BBX: variants seen among roughly 807,000 people sequenced by gnomAD.
The protein encoded by BBX is HMG box transcription factor BBX.
Under a neutral mutation model 100.2 loss-of-function variants are expected in BBX, and 30 were observed. The observed-to-expected ratio is 0.30, with a 90% CI of 0.22 to 0.41. The LOEUF (loss-of-function observed/expected upper bound fraction) is 0.41, where lower values mean the gene tolerates loss of function less well. Ranked by LOEUF, BBX falls within the 10% of genes least tolerant of loss-of-function variation. The pLI is 1.00. For synonymous variants in BBX, 376 were observed against 388.1 expected, an observed-to-expected ratio of 0.97 and a Z score of 0.37; for missense variants, 1,023 against 1,129.8, an observed-to-expected ratio of 0.91 and a Z score of 1.35.
rs113174336 is a variant in BBX at position 107,732,951 on chromosome 3, T to C, written c.602-5T>C. ...AAGTTGGTGATTTGTTTTTGACTTA[T>C]TTAGATCCTACTCAAATGGGAGGCC... On this transcript the variant is annotated splice_region_variant and splice_polypyrimidine_tract_variant and intron_variant, in intron 6 of 17. Coordinates refer to ENST00000325805, the MANE Select transcript of BBX (RefSeq NM_001142568.3). 24 of 1,612,300 alleles carry C rather than the reference T, an allele frequency of 1.5e-5. No individual in the cohort carries two copies. Among genetic ancestry groups the C allele is most frequent in the East Asian group, 4.5e-5 (2 of 44,770 alleles).
At chr3:107,775,849 T>G (rs773001109) in intron 12 of BBX, among the ~76,000 whole-genome samples, 1 of 152,176 alleles carries the variant, frequency 6.6e-6, no homozygotes, top group Non-Finnish European at 1.5e-5. Context: ...TTTAAGATTA[T>G]TTTTATTGAA....
chr3:107,680,656 G>A (rs2059525441), intron 3 of BBX, among the ~76,000 whole-genome samples: 1 of 152,122 alleles, frequency 6.6e-6, no homozygotes, highest in Non-Finnish European at 1.5e-5. Context: ...TCTCGCTATA[G>A]CAGTTTTTAA....
intron 2 of BBX, among the ~76,000 whole-genome samples, chr3:107,622,031 T>C (rs1559884768): frequency 6.6e-6 from 1 of 152,340 alleles, no homozygotes; most frequent in East Asian, 1.9e-4. Flanking sequence ...TACAGTTCTT[T>C]GTTAAAATTT....
At chr3:107,718,250 T>A (rs1389099335) in intron 5 of BBX, among the ~76,000 whole-genome samples, 3 of 147,548 alleles carry the variant, frequency 2.0e-5, no homozygotes, top group African/African-American at 7.4e-5. Flanking sequence ...AATATAACTA[T>A]TATAATAGTA....
chr3:107,728,889 C>G lies in BBX; in HGVS notation c.530C>G (p.Ser177Cys), dbSNP rs771843919. Residue 177 changes from serine to cysteine, a missense_variant, in exon 6 of 18, where the codon TCT becomes TGT. Ser to Cys is a moderately radical substitution (Grantham distance 112). Transcript: ENST00000325805. ...RKKLWAFPSD[S>C]SRDLPSPKKA... ...AAACTTTGGGCCTTCCCATCTGACT[C>G]TTCAAGAGACTTGCCAAGCCCCAAG... 1.1e-5 allele frequency: 17 copies of G among 1,613,948 alleles called. No homozygotes were observed. The highest frequency in any genetic ancestry group is 1.4e-5 in the Non-Finnish European group (16 of 1,179,886).
intron 2 of BBX, 110 bp from the exon 3 acceptor site, chr3:107,645,726 T>G (rs1302669208): frequency 6.6e-6 from 1 of 152,568 alleles, no homozygotes; most frequent in Non-Finnish European, 1.5e-5. Flanking sequence ...GTTTGGCTGG[T>G]AATTCATTTT....
intron 13 of BBX, among the ~76,000 whole-genome samples, chr3:107,779,040 T>C (rs946140829): frequency 9.6e-6 from 1 of 104,464 alleles, no homozygotes. Context: ...CACACACATA[T>C]ACATTGGTTT....
At chr3:107,708,184 A>G (rs1369322753) in intron 3 of BBX, among the ~76,000 whole-genome samples, 3 of 152,108 alleles carry the variant, frequency 2.0e-5, no homozygotes, top group African/African-American at 7.2e-5. Flanking sequence ...CTATCAATTC[A>G]CAAGAAATCT....
intron 3 of BBX, among the ~76,000 whole-genome samples, chr3:107,697,174 G>C (rs546928481): frequency 1.3e-5 from 2 of 151,658 alleles, no homozygotes; most frequent in Non-Finnish European, 2.9e-5. Context: ...TAATTTGATC[G>C]TCTGAAGCCT....
rs1275071858 is a variant in BBX, at chr3:107,793,204, C to T, written c.2353+1905C>T. On this transcript the variant is annotated intron_variant, in intron 15 of 17. Transcript: ENST00000325805. The stretch of plus-strand genomic sequence containing the variant: ...AGTAAGTATTGTGTTACTAGAAGTA[C>T]TATATTCTGTAGCCCTAATTTTCTG... Among the ~76,000 whole-genome samples, 4 of 152,240 alleles carry T rather than the reference C, an allele frequency of 2.6e-5. No homozygotes were observed. In the East Asian group the frequency reaches 7.7e-4, roughly 29 times the overall value.
chr3:107,670,758 G>GCTTATTTT (rs2058978750), intron 3 of BBX, among the ~76,000 whole-genome samples: 3 of 152,006 alleles, frequency 2.0e-5, no homozygotes, highest in Admixed American at 6.6e-5. Flanking sequence ...TTTTTAATGA[G>GCTTATTTT]AGGATCACTT....
rs549115867 is a variant in BBX, at chr3:107,765,320, A to C, written c.907-7308A>C. Among the ~76,000 whole-genome samples the C allele has an allele frequency of 3.9e-5, 6 of 152,276 alleles. No individual in the cohort carries two copies. In the East Asian group the frequency reaches 1.2e-3, roughly 29 times the overall value. On this transcript the variant is annotated intron_variant, in intron 10 of 17. Coordinates refer to ENST00000325805, the MANE Select transcript of BBX (RefSeq NM_001142568.3). ...TAATTTTAGCATACACATTTTATAG[A>C]TTGAAAAACTGAGGCACAGAAAAAT...
intron 2 of BBX, among the ~76,000 whole-genome samples, chr3:107,581,202 A>G (rs1023953097): frequency 2.0e-5 from 3 of 152,140 alleles, no homozygotes; most frequent in African/African-American, 7.2e-5. Context: ...TCATATTTTT[A>G]CTTACTAAAC....
At chr3:107,541,599 G>C (rs1298270928) in intron 2 of BBX, among the ~76,000 whole-genome samples, 1 of 152,060 alleles carries the variant, frequency 6.6e-6, no homozygotes, top group Non-Finnish European at 1.5e-5. Context: ...GACAAACAAT[G>C]AACTTTTAGG....
rs150641256 is a variant in BBX, at chr3:107,547,580, C to A, written c.-84+21182C>A. On this transcript the variant is annotated intron_variant, in intron 2 of 17. Transcript: ENST00000325805. ...TTCGTTTTATATTTGTTCTACCCTT[C>A]AATAAATGAATAAAATATGATATTA... Among the ~76,000 whole-genome samples, 7 of 152,204 alleles carry A rather than the reference C, an allele frequency of 4.6e-5. 1 individual carries two copies. The East Asian group carries it at 1.2e-3, about 25-fold the overall frequency.
chr3:107,799,872 C>T (rs990539064), intron 16 of BBX, among the ~76,000 whole-genome samples: 1 of 152,096 alleles, frequency 6.6e-6, no homozygotes, highest in Non-Finnish European at 1.5e-5. Context: ...GATACTGAGA[C>T]CCCCCGGCCG....
chr3:107,684,014 CT>C lies in BBX; in HGVS notation c.-9-26435del, dbSNP rs200992527. Among the ~76,000 whole-genome samples the C allele has an allele frequency of 5.3e-5, 8 of 152,262 alleles. No homozygotes were observed. In the East Asian group the frequency reaches 1.3e-3, roughly 26 times the overall value. ...CTACTGTTGCTCTCTACTAACTGAA[CT>C]TTAAGTTATCAAAAATAAGAGCCTT... On this transcript the variant is annotated intron_variant, in intron 3 of 17. Transcript: ENST00000325805.
chr3:107,668,662 T>A (rs190905549), intron 3 of BBX, among the ~76,000 whole-genome samples: 37 of 152,296 alleles, frequency 2.4e-4, no homozygotes, highest in Non-Finnish European at 8.8e-5. Context: ...AGTCATCCAG[T>A]CAGCTGTTTC....
At chr3:107,726,606 G>C (rs535816577) in intron 5 of BBX, among the ~76,000 whole-genome samples, 1 of 151,858 alleles carries the variant, frequency 6.6e-6, no homozygotes, top group Admixed American at 6.6e-5. Flanking sequence ...ACGTATTCCC[G>C]GCCTTTCTCT....
Sources: gnomAD v4.1 joint callset for allele counts (sites outside exome capture counted in the v4.1 genomes callset) on GRCh38, gnomAD v4.1.1 for gene constraint, MANE v1.5 for transcripts, NCBI Gene and HGNC (gene_info 2026-07-23, HGNC 2026-07-21) for gene names.